ANKFN1: variants seen among roughly 807,000 people sequenced by gnomAD.
ANKFN1 encodes the protein ankyrin repeat and fibronectin type III domain containing 1, also known as ankyrin repeat and fibronectin type-III domain-containing protein 1.
A neutral mutation model predicts 108.7 loss-of-function variants in ANKFN1; 74 were observed. That is an observed-to-expected ratio of 0.68 (90% CI 0.56 to 0.83). The LOEUF (loss-of-function observed/expected upper bound fraction) is 0.83, where lower values mean the gene tolerates loss of function less well. ANKFN1 is among the 40% of genes least tolerant of loss of function. The pLI, the probability that ANKFN1 is intolerant of heterozygous loss-of-function variation, is 0.00. For synonymous variants in ANKFN1, 547 were observed against 516.2 expected, an observed-to-expected ratio of 1.06 and a Z score of -0.81; for missense variants, 1,505 against 1,382.3, an observed-to-expected ratio of 1.09 and a Z score of -1.41.
intron 3 of ANKFN1, among the ~76,000 whole-genome samples, chr17:56,318,932 C>A (rs2045284894): frequency 6.6e-6 from 1 of 152,076 alleles, no homozygotes; most frequent in Non-Finnish European, 1.5e-5. Flanking sequence ...TTTTATCTAC[C>A]TGTTTTCTTG....
At chr17:56,197,300 C>A (rs1436802810) in intron 1 of ANKFN1, among the ~76,000 whole-genome samples, 1 of 152,150 alleles carries the variant, frequency 6.6e-6, no homozygotes, top group Non-Finnish European at 1.5e-5. Flanking sequence ...TTAGTTATAT[C>A]ATGTTTCCAG....
chr17:56,153,726 GT>G, intron 1 of ANKFN1, 196 bp downstream of exon 1: 1 of 692,556 alleles, frequency 1.4e-6, no homozygotes, highest in South Asian at 1.8e-5. Flanking sequence ...GTTTGGGTCT[GT>G]AATGTGTGTC....
intron 2 of ANKFN1, among the ~76,000 whole-genome samples, chr17:56,225,627 A>G (rs758062528): frequency 1.1e-4 from 17 of 152,218 alleles, no homozygotes; most frequent in Non-Finnish European, 2.1e-4. Context: ...AGGAGTTAAT[A>G]ATTTGAAGGC....
At chr17:56,184,811 T>C in intron 1 of ANKFN1, 1 of 152,328 alleles carries the variant, frequency 6.6e-6, no homozygotes, top group Non-Finnish European at 1.5e-5. Flanking sequence ...AAGCGACACG[T>C]CCAAGGTCAG....
chr17:56,493,874 G>A (rs762404174), intron 19 of ANKFN1, among the ~76,000 whole-genome samples: 3 of 152,238 alleles, frequency 2.0e-5, no homozygotes, highest in Non-Finnish European at 4.4e-5. Flanking sequence ...ATGAACGAAC[G>A]CTGTGAACTT....
intron 11 of ANKFN1, among the ~76,000 whole-genome samples, chr17:56,456,401 CTTTTTTTT>C (rs397713657): frequency 1.7e-5 from 2 of 115,482 alleles, no homozygotes; most frequent in Admixed American, 1.0e-4. Flanking sequence ...CTTTTTTTCT[CTTTTTTTT>C]TTTTTTTTTT....
intron 6 of ANKFN1, among the ~76,000 whole-genome samples, chr17:56,358,384 G>A (rs2046427309): frequency 1.3e-5 from 2 of 151,960 alleles, no homozygotes; most frequent in South Asian, 2.1e-4. Flanking sequence ...TGAACCCCTC[G>A]ATGCCAGAGC....
At chr17:56,464,549 AAG>A (rs1248146099) in intron 14 of ANKFN1, among the ~76,000 whole-genome samples, 1 of 152,172 alleles carries the variant, frequency 6.6e-6, no homozygotes, top group Non-Finnish European at 1.5e-5. Context: ...TAAGGGAAAA[AAG>A]AGGGATGGTA....
intron 3 of ANKFN1, among the ~76,000 whole-genome samples, chr17:56,284,399 A>G (rs1158159274): frequency 6.6e-6 from 1 of 152,088 alleles, no homozygotes; most frequent in Non-Finnish European, 1.5e-5. Flanking sequence ...CTCCTATGAT[A>G]TTTCCTTTTT....
rs1035068467 is a variant in ANKFN1 at position 56,050,073 on chromosome 17, T to A, written c.288+3748T>A. ...CACCTGTTGTTTCCTGACTTTTTAATGATTGCCATTCTAACTGGTGTGAGA... is the reference window on the plus strand; with the variant it reads ...CACCTGTTGTTTCCTGACTTTTTAAAGATTGCCATTCTAACTGGTGTGAGA... On this transcript the variant is annotated intron_variant, in intron 4 of 12. Coordinates refer to the ANKFN1 transcript ENST00000635860. Among the ~76,000 whole-genome samples, 142 of 152,116 alleles carry A rather than the reference T, an allele frequency of 9.3e-4. 3 individuals are homozygous for A. Among genetic ancestry groups the A allele is most frequent in the Admixed American group, 9.1e-3 (139 of 15,288 alleles).
At chr17:56,163,828 G>C (rs547394064) in intron 1 of ANKFN1, among the ~76,000 whole-genome samples, 1 of 152,282 alleles carries the variant, frequency 6.6e-6, no homozygotes, top group African/African-American at 2.4e-5. Flanking sequence ...AAACACACAA[G>C]CTACATGACT....
chr17:56,501,465 A>C (rs962917022), intron 20 of ANKFN1, among the ~76,000 whole-genome samples: 1 of 151,916 alleles, frequency 6.6e-6, no homozygotes, highest in African/African-American at 2.4e-5. Flanking sequence ...TCATGGTATC[A>C]TGATGGCACT....
intron 3 of ANKFN1, among the ~76,000 whole-genome samples, chr17:56,236,766 A>T (rs1409900907): frequency 1.3e-5 from 2 of 152,130 alleles, no homozygotes; most frequent in African/African-American, 4.8e-5. Context: ...TACATTTACT[A>T]TAATGGCAAA....
At chr17:56,234,659 A>G (rs962478523) in intron 3 of ANKFN1, among the ~76,000 whole-genome samples, 1 of 152,116 alleles carries the variant, frequency 6.6e-6, no homozygotes, top group Non-Finnish European at 1.5e-5. Flanking sequence ...AGCTCCATCC[A>G]TGTTCCCACA....
chr17:56,344,859 T>C (rs898850260), intron 4 of ANKFN1, among the ~76,000 whole-genome samples: 1 of 152,004 alleles, frequency 6.6e-6, no homozygotes, highest in East Asian at 1.9e-4. Flanking sequence ...CAGGCTACTG[T>C]TTTTTTGTTT....
chr17:56,353,264 C>A (rs1281015640), intron 5 of ANKFN1, among the ~76,000 whole-genome samples: 1 of 148,726 alleles, frequency 6.7e-6, no homozygotes, highest in African/African-American at 2.5e-5. Flanking sequence ...TTAAGAGCGT[C>A]TCTCTCCGTT....
At chr17:56,261,269 C>T (rs764685240) in intron 3 of ANKFN1, among the ~76,000 whole-genome samples, 1 of 152,102 alleles carries the variant, frequency 6.6e-6, no homozygotes, top group Non-Finnish European at 1.5e-5. Context: ...TCAAAAACTG[C>T]CATTGTTAGA....
intron 4 of ANKFN1, among the ~76,000 whole-genome samples, chr17:56,061,937 G>T (rs1468087039): frequency 6.6e-6 from 1 of 152,082 alleles, no homozygotes; most frequent in Non-Finnish European, 1.5e-5. Flanking sequence ...TTGCCTCTTT[G>T]TTCTCATTGT....
chr17:56,402,362 G>T (rs1255134316), intron 8 of ANKFN1, among the ~76,000 whole-genome samples: 1 of 151,978 alleles, frequency 6.6e-6, no homozygotes, highest in African/African-American at 2.4e-5. Flanking sequence ...TTTCAATCTC[G>T]CTGCTTGCTA....
Sources: allele counts gnomAD v4.1 joint callset (sites outside exome capture counted in the v4.1 genomes callset), GRCh38; gene constraint gnomAD v4.1.1; transcripts MANE v1.5; gene names NCBI Gene and HGNC (gene_info 2026-07-23, HGNC 2026-07-21).